Variants in VPS13D observed in about 807,000 individuals in gnomAD.
The protein encoded by VPS13D is intermembrane lipid transfer protein VPS13D.
A neutral mutation model predicts 461.9 loss-of-function variants in VPS13D; 187 were observed. The ratio of observed to expected loss-of-function variants is 0.40; its 90% confidence interval spans 0.36 to 0.46. The LOEUF is 0.46. VPS13D is among the 20% of genes least tolerant of loss of function. VPS13D has a pLI of 0.60. For missense variants in VPS13D, 4,711 were observed against 5,364.9 expected, an observed-to-expected ratio of 0.88 and a Z score of 3.81; for synonymous variants, 1,951 against 1,986.3, an observed-to-expected ratio of 0.98 and a Z score of 0.47.
chr1:12,256,360 C>T lies in VPS13D; in HGVS notation c.697C>T (p.Arg233Cys), dbSNP rs754181687. 31 of 1,613,802 alleles carry T rather than the reference C, an allele frequency of 1.9e-5. No homozygotes were observed. Among genetic ancestry groups the T allele is most frequent in the Middle Eastern group, 1.7e-4 (1 of 5,946 alleles). Residue 233 changes from arginine to cysteine, a missense_variant, in exon 8 of 70, where the codon CGC becomes TGC. Arg to Cys is a radical substitution (Grantham distance 180). Transcript: ENST00000620676. The stretch of plus-strand genomic sequence containing the variant: ...GGCCATGGCCAGGAGCATGGAGAGT[C>T]GCAGCCATCACTACGTCCTGGAGCC... ...QEAMARSMES[R>C]SHHYVLEPVF...
chr1:12,347,181 T>A (rs1643694550), intron 44 of VPS13D, among the ~76,000 whole-genome samples: 1 of 152,198 alleles, frequency 6.6e-6, no homozygotes, highest in African/African-American at 2.4e-5. Flanking sequence ...GATTTCTTTT[T>A]TTTTTTTGAG....
In VPS13D at chr1:12,363,247, G is replaced by A; in HGVS notation, c.10448G>A (p.Arg3483Lys). The A allele has an allele frequency of 6.2e-7, 1 of 1,614,006 alleles. No individual in the cohort carries two copies. ...AATAATTCCTTCCATATCAACATGA[G>A]GTAAGTTTGAGACTCTAAATATAGA... ...NKNNSFHINM[R>K]DTLGKCFFLR... Residue 3483 changes from arginine to lysine, a missense_variant and splice_region_variant, in exon 52 of 70, where the codon AGG (arginine) becomes AAG (lysine). Physicochemically the swap from Arg to Lys is conservative, Grantham distance 26. Around this residue, in one of 3 missense-constraint regions of VPS13D, gnomAD observed 4,411 missense variants for 4,937.8 expected, o/e 0.89. Transcript: ENST00000620676.
rs1024511156 is a variant in VPS13D, at chr1:12,322,389, C to T, written c.7705-147C>T. 4 of 809,880 alleles carry T rather than the reference C, an allele frequency of 4.9e-6. No individual in the cohort carries two copies. The African/African-American group carries it at 6.9e-5, about 14-fold the overall frequency. 50.2% of individuals were successfully genotyped at this position (809,880 alleles called of 1,614,324 possible). A position where few individuals can be genotyped will look rare whatever the true frequency, so the allele number is the denominator to read the frequency against. Reference sequence around the variant, plus strand: ...CCTTACGGTTATTAGTGCTTACTTTCAAGATCTTTGCAATCTTTTAAATGA... The same window carrying T: ...CCTTACGGTTATTAGTGCTTACTTTTAAGATCTTTGCAATCTTTTAAATGA... On this transcript the variant is annotated intron_variant, in intron 33 of 69. Transcript: ENST00000620676.
intron 46 of VPS13D, among the ~76,000 whole-genome samples, chr1:12,352,698 C>T (rs1643822506): frequency 6.6e-6 from 1 of 152,124 alleles, no homozygotes; most frequent in African/African-American, 2.4e-5. Context: ...GGCACAGTGG[C>T]TCACACCTGT....
At position 12,362,764 on chromosome 1, in the gene VPS13D, A is replaced by G. The variant is rs767843536; in HGVS notation, c.10186A>G (p.Met3396Val). The G allele has an allele frequency of 1.9e-5, 30 of 1,614,124 alleles. No individual in the cohort carries two copies. In the South Asian group the frequency reaches 3.0e-4, roughly 16 times the overall value. The change falls in exon 51 of 70, where the codon ATG becomes GTG. Residue 3396 changes from methionine (M) to valine (V), a missense_variant. Physicochemically the swap from Met to Val is conservative, Grantham distance 21 (BLOSUM62 1). This residue lies in a region of VPS13D where 4,411 missense variants were observed against 4,937.8 expected (regional missense o/e 0.89). Transcript: ENST00000620676. ...KGRGRYIDTCMVIFAPRYLLD... is the reference protein window; with the variant it reads ...KGRGRYIDTCVVIFAPRYLLD... ...CCGAGGTCGATACATTGATACCTGC[A>G]TGGTCATCTTTGCCCCCCGTTACCT...
intron 29 of VPS13D, among the ~76,000 whole-genome samples, chr1:12,313,115 T>G (rs1642800107): frequency 6.6e-6 from 1 of 152,068 alleles, no homozygotes; most frequent in Non-Finnish European, 1.5e-5. Context: ...ACTGGGAAAG[T>G]GGTTTGGCAT....
At chr1:12,329,682 C>T in intron 36 of VPS13D, 147 bp from the exon 37 acceptor site, 1 of 615,250 alleles carries the variant, frequency 1.6e-6, no homozygotes, top group African/African-American at 1.9e-5. Flanking sequence ...AAAATTGATG[C>T]AAAAAAGTAC....
At chr1:12,336,340 C>G (rs192920771) in intron 39 of VPS13D, 1 of 152,970 alleles carries the variant, frequency 6.5e-6, no homozygotes, top group East Asian at 1.9e-4. Context: ...ATTGAATGCC[C>G]TGCCTCTTGA....
rs148436579 is a variant in VPS13D, at chr1:12,240,706, C to T, written c.98-1807C>T. Among the ~76,000 whole-genome samples the T allele has an allele frequency of 3.9e-3, 578 of 148,562 alleles. 3 individuals carry two copies. The highest frequency in any genetic ancestry group is 0.014 in the African/African-American group (548 of 40,160). On this transcript the variant is annotated intron_variant, in intron 2 of 69. Coordinates refer to ENST00000620676, the MANE Select transcript of VPS13D (RefSeq NM_015378.4). Reference sequence around the variant, plus strand: ...TCTGTTTCAACCAAGGAAAATGTTTCATGATTTTTTTTTCCCCTTATGTTC... The same window carrying T: ...TCTGTTTCAACCAAGGAAAATGTTTTATGATTTTTTTTTCCCCTTATGTTC...
intron 62 of VPS13D, among the ~76,000 whole-genome samples, chr1:12,403,321 G>A (rs970577493): frequency 6.6e-6 from 1 of 152,202 alleles, no homozygotes; most frequent in African/African-American, 2.4e-5. Flanking sequence ...TGGGAGACAG[G>A]GCGCTGCTTG....
intron 67 of VPS13D, among the ~76,000 whole-genome samples, chr1:12,484,186 C>A (rs946606989): frequency 1.3e-5 from 2 of 152,180 alleles, no homozygotes; most frequent in Non-Finnish European, 2.9e-5. Context: ...AAAAATCCTG[C>A]TGTGCCTGGA....
chr1:12,400,284 A>T lies in VPS13D; in HGVS notation c.11738A>T (p.Asn3913Ile), dbSNP rs963565874. ...VIETGPAVQV[N>I]AVKFPSKSAL... ...GAGACCGGCCCAGCTGTGCAAGTCAACGCAGTGAAGTTCCCCAGTAAGAGT... is the reference window on the plus strand; with the variant it reads ...GAGACCGGCCCAGCTGTGCAAGTCATCGCAGTGAAGTTCCCCAGTAAGAGT... The change falls in exon 61 of 70, where the codon AAC becomes ATC. Residue 3913 changes from asparagine to isoleucine, a missense_variant. Coordinates refer to ENST00000620676, the MANE Select transcript of VPS13D (RefSeq NM_015378.4). 1 of 1,614,170 alleles carries T rather than the reference A, an allele frequency of 6.2e-7. No homozygotes were observed. The highest frequency in any genetic ancestry group is 8.5e-7 in the Non-Finnish European group (1 of 1,180,040).
chr1:12,412,418 G>T (rs1013973065), intron 63 of VPS13D, among the ~76,000 whole-genome samples: 8 of 152,330 alleles, frequency 5.3e-5, no homozygotes, highest in Admixed American at 3.9e-4. Flanking sequence ...ATTATTACAA[G>T]ACTACAGTAA....
intron 35 of VPS13D, among the ~76,000 whole-genome samples, chr1:12,324,166 C>A (rs1015508179): frequency 6.6e-6 from 1 of 152,154 alleles, no homozygotes; most frequent in Non-Finnish European, 1.5e-5. Context: ...GCTTTGGCCT[C>A]CCAAAATGCC....
chr1:12,401,749 G>T (rs188441916), intron 62 of VPS13D, 45 bp downstream of exon 62: 2 of 1,535,330 alleles, frequency 1.3e-6, no homozygotes, highest in East Asian at 2.3e-5. Flanking sequence ...TTGGTCCAAA[G>T]ATGGTATTTT....
chr1:12,484,535 T>C (rs968001856), intron 67 of VPS13D, among the ~76,000 whole-genome samples: 1 of 152,236 alleles, frequency 6.6e-6, no homozygotes, highest in South Asian at 2.1e-4. Flanking sequence ...ACCCAAGATC[T>C]AGTTTGGCTT....
At chr1:12,385,229 C>A in intron 58 of VPS13D, 31 bp from the exon 59 acceptor site, 2 of 1,561,688 alleles carry the variant, frequency 1.3e-6, no homozygotes, top group African/African-American at 1.4e-5. Flanking sequence ...AAGAGTGAAT[C>A]ATCTTCTTGT....
chr1:12,468,988 T>G (rs1645528684), intron 67 of VPS13D, among the ~76,000 whole-genome samples: 1 of 151,436 alleles, frequency 6.6e-6, no homozygotes, highest in South Asian at 2.1e-4. Context: ...GAGCTGAGAT[T>G]GCACCACTGC....
intron 67 of VPS13D, among the ~76,000 whole-genome samples, chr1:12,486,332 G>A (rs1570267434): frequency 6.6e-6 from 1 of 152,344 alleles, no homozygotes. Flanking sequence ...TAGTTCTAAA[G>A]AACTTAAAAC....
Sources: gnomAD v4.1 joint callset for allele counts (sites outside exome capture counted in the v4.1 genomes callset) on GRCh38, gnomAD v4.1.1 for gene constraint, gnomAD v4.1.1 regional missense constraint, MANE v1.5 for transcripts, NCBI Gene and HGNC (gene_info 2026-07-23, HGNC 2026-07-21) for gene names.